FCRL5: variants seen among roughly 807,000 people sequenced by gnomAD.
The protein encoded by FCRL5 is Fc receptor like 5.
FCRL5 carries 79 observed loss-of-function variants against 92.1 expected under a neutral mutation model. The ratio of observed to expected loss-of-function variants is 0.86; its 90% CI spans 0.72 to 1.03. The LOEUF is 1.03. Among genes scored for constraint, FCRL5 ranks in the 50% least tolerant of loss-of-function variants. The pLI, the probability that FCRL5 is intolerant of heterozygous loss-of-function variation, is 0.00. For synonymous variants in FCRL5, 466 were observed against 469.3 expected (o/e 0.99, Z 0.09); for missense variants, 1,160 against 1,181.1 (o/e 0.98, Z 0.26).
intron 15 of FCRL5, among the ~76,000 whole-genome samples, chr1:157,517,810 C>T (rs1046849963): frequency 2.0e-5 from 3 of 152,206 alleles, no homozygotes; most frequent in Admixed American, 6.5e-5. Flanking sequence ...ATTTGTGTTG[C>T]TCTCCAAATG....
chr1:157,536,374 G>A (rs1372259853), intron 7 of FCRL5, among the ~76,000 whole-genome samples: 2 of 152,118 alleles, frequency 1.3e-5, no homozygotes, highest in African/African-American at 4.8e-5. Context: ...TTTTCCCTTG[G>A]CCAGAGTCCT....
At chr1:157,540,181 G>A (rs1046702111) in intron 6 of FCRL5, among the ~76,000 whole-genome samples, 7 of 152,208 alleles carry the variant, frequency 4.6e-5, no homozygotes, top group Non-Finnish European at 8.8e-5. Flanking sequence ...CAGCTCTCCT[G>A]TCCTCCATCC....
intron 7 of FCRL5, among the ~76,000 whole-genome samples, chr1:157,538,263 T>A (rs957172518): frequency 6.6e-6 from 1 of 152,178 alleles, no homozygotes; most frequent in African/African-American, 2.4e-5. Flanking sequence ...ACTGGATTCT[T>A]GCTTGTCTTC....
In FCRL5 at chr1:157,527,863, C is replaced by A. The variant is rs752763796; in HGVS notation, c.1714G>T (p.Val572Phe). The change falls in exon 9 of 17, where the codon GTT becomes TTT. Residue 572 changes from valine to phenylalanine, a missense_variant. Val to Phe is a conservative substitution (Grantham distance 50, BLOSUM62 -1). Transcript: ENST00000361835. ...PVSRPILTLR[V>F]PRAQAVVGDL... is the part of the protein sequence containing the mutation. ...CCCACCACAGCCTGGGCCCTGGGAA[C>A]CCTGAGGGTGAGGATGGGGCGAGAC... 1 of 1,604,108 alleles carries A rather than the reference C, an allele frequency of 6.2e-7. No individual in the cohort carries two copies. The highest frequency in any genetic ancestry group is 8.5e-7 in the Non-Finnish European group (1 of 1,175,190).
chr1:157,544,889 A>G lies in FCRL5; in HGVS notation c.501T>C (p.Thr167=). The change falls in exon 4 of 17, where the codon ACT becomes ACC. Residue 167 remains threonine (T), a synonymous_variant. Coordinates refer to ENST00000361835, the MANE Select transcript of FCRL5 (RefSeq NM_031281.3). ...CAGGGCAACAACTTTCCTTATATCC[A>G]GTACAGCGATATGCACCATTGTCCT... ...CLKDNGAYRC[T]GYKESCCPVS... is the part of the protein sequence containing the mutation. The G allele has an allele frequency of 1.2e-6, 2 of 1,614,216 alleles. No individual in the cohort carries two copies. Among genetic ancestry groups the G allele is most frequent in the Non-Finnish European group, 1.7e-6 (2 of 1,180,010 alleles).
intron 10 of FCRL5, chr1:157,522,183 A>G (rs985306209): frequency 2.0e-5 from 3 of 152,262 alleles, no homozygotes; most frequent in Admixed American, 1.3e-4. Flanking sequence ...TCTGGAGAAT[A>G]TGTGCGTAAG....
At chr1:157,526,163 G>C (rs1029601028) in intron 9 of FCRL5, among the ~76,000 whole-genome samples, 1 of 152,200 alleles carries the variant, frequency 6.6e-6, no homozygotes, top group East Asian at 1.9e-4. Context: ...AAGAGAGCCA[G>C]AAGAAGATAG....
At chr1:157,520,698 C>A in intron 11 of FCRL5, 151 bp from the exon 12 acceptor site, 2 of 645,560 alleles carry the variant, frequency 3.1e-6, no homozygotes, top group Non-Finnish European at 5.4e-6. Flanking sequence ...AAGATGGCTC[C>A]TGTCTTTGTG....
At chr1:157,542,498 T>G (rs1420307576) in intron 6 of FCRL5, 5 of 226,212 alleles carry the variant, frequency 2.2e-5, no homozygotes, top group Non-Finnish European at 4.4e-5. Flanking sequence ...GAGATACCTC[T>G]GTGCTCCTGG....
At chr1:157,543,664 A>C (rs1651377749) in intron 5 of FCRL5, among the ~76,000 whole-genome samples, 1 of 152,190 alleles carries the variant, frequency 6.6e-6, no homozygotes, top group African/African-American at 2.4e-5. Flanking sequence ...GAGGGATGAC[A>C]CAGGGCTCTA....
At chr1:157,547,527 T>G (rs1221860321) in intron 2 of FCRL5, 3 of 405,928 alleles carry the variant, frequency 7.4e-6, no homozygotes, top group Non-Finnish European at 1.4e-5. Flanking sequence ...GTTCATACAC[T>G]CATAAGAAAC....
intron 8 of FCRL5, among the ~76,000 whole-genome samples, chr1:157,531,690 A>G (rs755444124): frequency 4.6e-5 from 7 of 152,198 alleles, no homozygotes; most frequent in Non-Finnish European, 1.0e-4. Context: ...GACCTGGAGG[A>G]TATCATATTT....
Position 157,519,557 on chromosome 1 carries a change from G to C in FCRL5, c.2660+186C>G, listed in dbSNP as rs573165070. ...TGAGATAACAGCCTATACAGCTAAG[G>C]GGGTGGGTGCAAAGGTCCTGGGAAT... On this transcript the variant is annotated intron_variant, in intron 13 of 16. Coordinates refer to ENST00000361835, the MANE Select transcript of FCRL5 (RefSeq NM_031281.3). Among the ~76,000 whole-genome samples the C allele has an allele frequency of 5.3e-5, 8 of 152,294 alleles. No individual in the cohort carries two copies. In the South Asian group the frequency reaches 1.2e-3, roughly 24 times the overall value.
At position 157,515,686 on chromosome 1, in the gene FCRL5, G is replaced by T. The variant is rs753816172; in HGVS notation, c.2923C>A (p.Pro975Thr). 3.1e-6 allele frequency: 5 copies of T among 1,614,188 alleles called. No individual in the cohort carries two copies. The highest frequency in any genetic ancestry group is 4.2e-6 in the Non-Finnish European group (5 of 1,180,030). ...SGSLFLASSAPHR is the reference protein window; with the variant it reads ...SGSLFLASSATHR ...AGAGACGTGTGGACTCATCTGTGAG[G>T]AGCTGAGGAAGCCAAGAACAGGGAT... is the stretch of plus-strand genomic sequence containing the variant. The change falls in exon 17 of 17, where the codon CCT becomes ACT. Residue 975 changes from proline (P) to threonine (T), a missense_variant. By Grantham distance (38) the Pro-to-Thr change is conservative. Coordinates refer to ENST00000361835, the MANE Select transcript of FCRL5 (RefSeq NM_031281.3).
rs751750279 is a variant in FCRL5, at chr1:157,547,203, G to T, written c.53-6C>A. The stretch of plus-strand genomic sequence containing the variant: ...AATGGGCCTGGGTGTCCTTGCTGAA[G>T]AGGAAAGAGAAAAGGAGTCTGAGGT... On this transcript the variant is annotated splice_region_variant and splice_polypyrimidine_tract_variant and intron_variant, in intron 2 of 16. Coordinates refer to ENST00000361835, the MANE Select transcript of FCRL5 (RefSeq NM_031281.3). 10 of 1,613,360 alleles carry T rather than the reference G, an allele frequency of 6.2e-6. No homozygotes were observed. The Admixed American group carries it at 1.0e-4, about 16-fold the overall frequency.
chr1:157,515,689 C>T lies in FCRL5; in HGVS notation c.2920G>A (p.Ala974Thr), dbSNP rs757800181. 1.9e-6 allele frequency: 3 copies of T among 1,614,132 alleles called. No individual in the cohort carries two copies. The highest frequency in any genetic ancestry group is 2.5e-6 in the Non-Finnish European group (3 of 1,180,024). ...GACGTGTGGACTCATCTGTGAGGAG[C>T]TGAGGAAGCCAAGAACAGGGATCCG... The part of the protein sequence containing the change: ...VSGSLFLASS[A>T]PHR Residue 974 changes from alanine to threonine, a missense_variant, in exon 17 of 17, where the codon GCT becomes ACT. By Grantham distance (58) the Ala-to-Thr change is moderately conservative. Transcript: ENST00000361835.
intron 6 of FCRL5, among the ~76,000 whole-genome samples, chr1:157,541,280 C>A (rs1651247728): frequency 1.3e-5 from 2 of 152,150 alleles, no homozygotes; most frequent in Admixed American, 1.3e-4. Context: ...TCTTGATGAA[C>A]CCTCTCTTTT....
chr1:157,550,770 G>A (rs538390093), intron 1 of FCRL5, among the ~76,000 whole-genome samples: 55 of 152,290 alleles, frequency 3.6e-4, no homozygotes, highest in African/African-American at 1.2e-3. Flanking sequence ...AGGAATAGAA[G>A]GATAGAGATT....
intron 13 of FCRL5, chr1:157,519,018 C>A: frequency 2.7e-6 from 1 of 367,452 alleles, no homozygotes; most frequent in Non-Finnish European, 4.9e-6. Context: ...TACAGCAATA[C>A]GTTGTTAGTT....
Sources: gnomAD v4.1 joint callset for allele counts (sites outside exome capture counted in the v4.1 genomes callset) on GRCh38, gnomAD v4.1.1 for gene constraint, MANE v1.5 for transcripts, NCBI Gene and HGNC (gene_info 2026-07-23, HGNC 2026-07-21) for gene names.